The following PASD1 variants were observed in gnomAD, a reference collection of about 807,000 sequenced individuals.
PASD1 encodes PAS domain containing repressor 1.
A neutral mutation model predicts 58.8 loss-of-function variants in PASD1; 13 were observed. The ratio of observed to expected loss-of-function variants is 0.22; its 90% CI spans 0.14 to 0.35. PASD1 has a LOEUF of 0.35. PASD1 is among the 10% of genes least tolerant of loss of function. The pLI is 1.00. For missense variants in PASD1, 734 were observed against 568.3 expected (o/e 1.29, Z -2.96); for synonymous variants, 236 against 216.7 (o/e 1.09, Z -0.78).
chrX:151,666,121 A>G (rs2014376331), intron 11 of PASD1, among the ~76,000 whole-genome samples: 1 of 109,950 alleles, frequency 9.1e-6, no homozygotes, highest in African/African-American at 3.3e-5. Context: ...GATGAACCAC[A>G]GTATAAGTCT....
intron 1 of PASD1, among the ~76,000 whole-genome samples, chrX:151,579,910 G>C (rs934927171): frequency 8.9e-6 from 1 of 112,086 alleles, no homozygotes; most frequent in African/African-American, 3.2e-5. Context: ...CAGTAGCAGT[G>C]CAGTCTGTTT....
At chrX:151,601,971 A>T (rs1334829491) in intron 2 of PASD1, among the ~76,000 whole-genome samples, 2 of 112,527 alleles carry the variant, frequency 1.8e-5, no homozygotes, top group East Asian at 5.5e-4. Context: ...TTCCAGATCA[A>T]ACTTCTAAAA....
intron 9 of PASD1, among the ~76,000 whole-genome samples, 181 bp downstream of exon 9, chrX:151,648,883 G>C (rs1254580135): frequency 8.9e-6 from 1 of 111,840 alleles, no homozygotes; most frequent in Non-Finnish European, 1.9e-5. Flanking sequence ...ACTTCGAATG[G>C]TCCCTGTAGT....
intron 2 of PASD1, among the ~76,000 whole-genome samples, 153 bp from the exon 3 acceptor site, chrX:151,604,493 A>G (rs2013459891): frequency 8.9e-6 from 1 of 112,442 alleles, no homozygotes; most frequent in Non-Finnish European, 1.9e-5. Context: ...TTTATATACA[A>G]TTAGTTAGCC....
Position 151,604,728 on chromosome X carries a change from G to A in PASD1, c.111G>A (p.Thr37=), listed in dbSNP as rs370176062. 64 of 1,196,072 alleles carry A rather than the reference G, an allele frequency of 5.4e-5. No homozygotes were observed. The highest frequency in any genetic ancestry group is 6.1e-5 in the Non-Finnish European group (54 of 883,237). ...CCTATGATTACTTCAACCAAGTGAC[G>A]CTACAGGTAAGAGGGCTTTTGTTCT... The part of the protein sequence containing the change: ...FPTYDYFNQV[T]LQLLDGFMIT... Residue 37 remains threonine, a synonymous_variant, in exon 3 of 16, where the codon ACG becomes ACA. Transcript: ENST00000370357.
At chrX:151,665,902 GTTTTTT>G (rs749783832) in intron 11 of PASD1, among the ~76,000 whole-genome samples, 1 of 96,905 alleles carries the variant, frequency 1.0e-5, no homozygotes, top group Non-Finnish European at 2.1e-5. Context: ...GTGTGTGTGT[GTTTTTT>G]TTTTTTTGGT....
intron 1 of PASD1, among the ~76,000 whole-genome samples, chrX:151,573,957 C>G (rs748239630): frequency 2.7e-5 from 3 of 112,273 alleles, no homozygotes; most frequent in African/African-American, 6.5e-5. Context: ...TATTGAACTT[C>G]TTGTATTTCC....
rs920719596 is a variant in PASD1 at position 151,653,896 on chromosome X, T to C, written c.717+5194T>C. Among the ~76,000 whole-genome samples, 145 of 56,486 alleles carry C rather than the reference T, an allele frequency of 2.6e-3. 4 individuals carry two copies. The highest frequency in any genetic ancestry group is 7.9e-3 in the Middle Eastern group (1 of 127). 49.1% of individuals were successfully genotyped at this position (56,486 alleles called of 115,157 possible). ...TTTCTTTCTTTCTTTCTTTCTTTCT[T>C]TCTTTCTTTCTTTCTTTCTTTCTTT... On this transcript the variant is annotated intron_variant, in intron 9 of 15. Transcript: ENST00000370357.
intron 4 of PASD1, among the ~76,000 whole-genome samples, chrX:151,618,336 A>G (rs747274948): frequency 3.9e-4 from 44 of 112,293 alleles, no homozygotes; most frequent in African/African-American, 1.4e-3. Context: ...AATCATTGGA[A>G]TTTGTGGTTC....
At chrX:151,669,470 A>G (rs186477957) in intron 11 of PASD1, among the ~76,000 whole-genome samples, 1 of 110,544 alleles carries the variant, frequency 9.0e-6, no homozygotes, top group East Asian at 2.8e-4. Flanking sequence ...TAATTTTCCT[A>G]CTTGAGTACT....
chrX:151,659,153 T>G (rs2014281058), intron 9 of PASD1, among the ~76,000 whole-genome samples: 1 of 112,166 alleles, frequency 8.9e-6, no homozygotes, highest in Non-Finnish European at 1.9e-5. Flanking sequence ...ACTTTCAACT[T>G]TAATCTGCCT....
At chrX:151,665,900 GTGT>G (rs1364308545) in intron 11 of PASD1, among the ~76,000 whole-genome samples, 2 of 99,120 alleles carry the variant, frequency 2.0e-5, no homozygotes, top group Non-Finnish European at 2.1e-5. Flanking sequence ...GTGTGTGTGT[GTGT>G]TTTTTTTTTT....
At chrX:151,599,490 C>T (rs1420378054) in intron 1 of PASD1, among the ~76,000 whole-genome samples, 3 of 103,765 alleles carry the variant, frequency 2.9e-5, no homozygotes, top group South Asian at 8.4e-4. Flanking sequence ...CGGGCGGAGA[C>T]GCTCCTCACT....
chrX:151,669,285 T>G (rs1472143341), intron 11 of PASD1, among the ~76,000 whole-genome samples: 1 of 107,848 alleles, frequency 9.3e-6, no homozygotes, highest in Non-Finnish European at 1.9e-5. Flanking sequence ...CTATATATAT[T>G]ATGTTGTACA....
chrX:151,673,986 T>C lies in PASD1; in HGVS notation c.1975T>C (p.Ser659Pro). 8.3e-7 allele frequency: 1 copy of C among 1,210,984 alleles called. No individual in the cohort carries two copies. The highest frequency in any genetic ancestry group is 1.8e-5 in the South Asian group (1 of 56,931). The change falls in exon 15 of 16, where the codon TCA becomes CCA. Residue 659 changes from serine (S) to proline (P), a missense_variant. By Grantham distance (74) the Ser-to-Pro change is moderately conservative. Coordinates refer to ENST00000370357, the MANE Select transcript of PASD1 (RefSeq NM_173493.3). ...GAACCAGCTGCCATTGATAGATACC[T>C]CAAACTCTGAGGCAATTTCTTCTTC... The part of the protein sequence containing the change: ...PVNQLPLIDT[S>P]NSEAISSSSI...
intron 11 of PASD1, among the ~76,000 whole-genome samples, chrX:151,666,137 T>C (rs2014376631): frequency 9.1e-6 from 1 of 110,242 alleles, no homozygotes; most frequent in African/African-American, 3.3e-5. Flanking sequence ...AGTCTATTTT[T>C]GGTTTCTGAA....
At chrX:151,633,117 A>G (rs2013888974) in intron 8 of PASD1, among the ~76,000 whole-genome samples, 1 of 111,331 alleles carries the variant, frequency 9.0e-6, no homozygotes, top group Non-Finnish European at 1.9e-5. Context: ...AATTTAAGGT[A>G]GTTCTTTTTT....
chrX:151,568,463 G>A (rs1364457352), intron 1 of PASD1, among the ~76,000 whole-genome samples: 1 of 111,597 alleles, frequency 9.0e-6, no homozygotes, highest in Non-Finnish European at 1.9e-5. Flanking sequence ...TCTTTTATAT[G>A]CTAATACCTG....
At chrX:151,602,638 G>T (rs1338799053) in intron 2 of PASD1, among the ~76,000 whole-genome samples, 1 of 110,790 alleles carries the variant, frequency 9.0e-6, no homozygotes, top group African/African-American at 3.3e-5. Context: ...GGAGGTTGTA[G>T]TGAGCTGAGA....
Sources: gnomAD v4.1 joint callset for allele counts (sites outside exome capture counted in the v4.1 genomes callset) on GRCh38, gnomAD v4.1.1 for gene constraint, MANE v1.5 for transcripts, NCBI Gene and HGNC (gene_info 2026-07-23, HGNC 2026-07-21) for gene names.